NCOA2: variants seen among roughly 807,000 people sequenced by gnomAD.
NCOA2 encodes nuclear receptor coactivator 2, also known as class E basic helix-loop-helix protein 75.
Under a neutral mutation model 145.1 loss-of-function variants are expected in NCOA2, and 21 were observed. The observed-to-expected ratio is 0.14, with a 90% confidence interval of 0.10 to 0.21. NCOA2 has a LOEUF of 0.21. Ranked by LOEUF, NCOA2 falls within the 10% of genes least tolerant of loss-of-function variation. The pLI, the probability that NCOA2 is intolerant of heterozygous loss-of-function variation, is 1.00. For synonymous variants in NCOA2, 619 were observed against 637.5 expected (o/e 0.97, Z 0.44); for missense variants, 1,472 against 1,837.6 (o/e 0.80, Z 3.64).
chr8:70,213,279 T>C (rs1295109445), intron 4 of NCOA2, among the ~76,000 whole-genome samples: 2 of 152,182 alleles, frequency 1.3e-5, no homozygotes, highest in Admixed American at 1.3e-4. Flanking sequence ...AAAAACATTA[T>C]TTTCTTGATA....
chr8:70,141,204 T>C lies in NCOA2; in HGVS notation c.3008A>G (p.Gln1003Arg), dbSNP rs147562847. 4.5e-5 allele frequency: 72 copies of C among 1,613,720 alleles called. No individual in the cohort carries two copies. The East Asian group carries it at 1.5e-3, about 34-fold the overall frequency. The change falls in exon 14 of 23, where the codon CAG becomes CGG. Residue 1003 changes from glutamine to arginine, a missense_variant. This residue lies in a region of NCOA2 where 953 missense variants were observed against 1,062.1 expected (regional missense o/e 0.90). Coordinates refer to ENST00000452400, the MANE Select transcript of NCOA2 (RefSeq NM_006540.4). ...SSQPGQRQTL[Q>R]SQVMNIGPSE... ...CTTACCTATATTCATGACCTGAGACTGAAGCGTCTGTCTTTGGCCAGGCTG... is the reference window on the plus strand; with the variant it reads ...CTTACCTATATTCATGACCTGAGACCGAAGCGTCTGTCTTTGGCCAGGCTG...
chr8:70,145,387 C>T (rs1215330268), intron 12 of NCOA2, among the ~76,000 whole-genome samples: 2 of 151,302 alleles, frequency 1.3e-5, no homozygotes, highest in Non-Finnish European at 2.9e-5. Flanking sequence ...TGTAGTGGCC[C>T]GATCTCGGCT....
intron 1 of NCOA2, among the ~76,000 whole-genome samples, chr8:70,375,703 C>G (rs982366077): frequency 5.9e-5 from 9 of 152,226 alleles, no homozygotes; most frequent in African/African-American, 2.2e-4. Flanking sequence ...GTTCCACAAC[C>G]AGGGTCATTT....
chr8:70,446,234 G>A, the NCOA2 span, among the ~76,000 whole-genome samples: 1 of 152,146 alleles, frequency 6.6e-6, no homozygotes, highest in Non-Finnish European at 1.5e-5. Context: ...TCGGAGAACT[G>A]GGAGAAGCAG....
At chr8:70,267,454 A>G (rs1466410703) in intron 2 of NCOA2, among the ~76,000 whole-genome samples, 1 of 145,596 alleles carries the variant, frequency 6.9e-6, no homozygotes, top group Non-Finnish European at 1.5e-5. Flanking sequence ...GGCGGAGTAC[A>G]GTGACAATCA....
intron 1 of NCOA2, among the ~76,000 whole-genome samples, chr8:70,397,820 A>G (rs765553420): frequency 6.6e-6 from 1 of 152,272 alleles, no homozygotes; most frequent in Non-Finnish European, 1.5e-5. Flanking sequence ...ATTTTTTATT[A>G]TAAACATTTC....
the NCOA2 span, among the ~76,000 whole-genome samples, chr8:70,413,769 C>A: frequency 6.6e-6 from 1 of 152,124 alleles, no homozygotes; most frequent in Non-Finnish European, 1.5e-5. Flanking sequence ...TTTTATTAGT[C>A]CATTATTTAT....
intron 14 of NCOA2, among the ~76,000 whole-genome samples, chr8:70,140,698 G>C (rs1810304692): frequency 2.0e-5 from 3 of 146,464 alleles, no homozygotes; most frequent in African/African-American, 7.7e-5. Context: ...CTCCCAGGAA[G>C]TGATTCTCCT....
At chr8:70,258,398 G>T (rs1043506967) in intron 2 of NCOA2, among the ~76,000 whole-genome samples, 1 of 152,106 alleles carries the variant, frequency 6.6e-6, no homozygotes, top group African/African-American at 2.4e-5. Flanking sequence ...TCTCATAAAC[G>T]TATCTCCCTA....
intron 4 of NCOA2, among the ~76,000 whole-genome samples, chr8:70,178,369 C>T (rs1203539688): frequency 6.6e-6 from 1 of 152,052 alleles, no homozygotes; most frequent in Non-Finnish European, 1.5e-5. Context: ...TAATTATTAC[C>T]CTGAAACATT....
chr8:70,332,995 A>G (rs140178789), intron 1 of NCOA2, among the ~76,000 whole-genome samples: 5 of 152,356 alleles, frequency 3.3e-5, no homozygotes, highest in African/African-American at 1.2e-4. Context: ...TTTTACAAAG[A>G]AACTGTAAAA....
At chr8:70,346,025 TA>T (rs1375275437) in intron 1 of NCOA2, among the ~76,000 whole-genome samples, 4 of 152,346 alleles carry the variant, frequency 2.6e-5, no homozygotes, top group African/African-American at 9.6e-5. Context: ...TAAGTGGAAT[TA>T]AAATCTATAG....
intron 9 of NCOA2, among the ~76,000 whole-genome samples, chr8:70,160,813 T>C (rs1375192699): frequency 6.6e-6 from 1 of 152,250 alleles, no homozygotes; most frequent in Non-Finnish European, 1.5e-5. Flanking sequence ...TTTCACTTTC[T>C]GCCATCAACT....
chr8:70,262,227 A>C (rs2135077803), intron 2 of NCOA2, among the ~76,000 whole-genome samples: 1 of 152,332 alleles, frequency 6.6e-6, no homozygotes, highest in East Asian at 1.9e-4. Flanking sequence ...GCAGATATTT[A>C]TAGTATCCCC....
the NCOA2 span, among the ~76,000 whole-genome samples, chr8:70,421,213 A>G: frequency 6.6e-6 from 1 of 152,214 alleles, no homozygotes; most frequent in African/African-American, 2.4e-5. Flanking sequence ...CAAAGTTGAC[A>G]TGACAGAACT....
chr8:70,223,307 T>C (rs184054304), intron 2 of NCOA2, among the ~76,000 whole-genome samples: 22 of 152,352 alleles, frequency 1.4e-4, no homozygotes, highest in African/African-American at 5.0e-4. Context: ...GATTAAAAAA[T>C]GACTTTCTAA....
chr8:70,239,564 C>T (rs1292091539), intron 2 of NCOA2, among the ~76,000 whole-genome samples: 2 of 152,120 alleles, frequency 1.3e-5, no homozygotes, highest in East Asian at 1.9e-4. Context: ...CATCTCCTTA[C>T]ACAGAAGACA....
intron 1 of NCOA2, among the ~76,000 whole-genome samples, chr8:70,322,953 TTC>T (rs1806211060): frequency 6.6e-6 from 1 of 152,242 alleles, no homozygotes; most frequent in Non-Finnish European, 1.5e-5. Context: ...AGATGGTATC[TTC>T]TGTCCTACAC....
chr8:70,396,866 G>C (rs1316458249), intron 1 of NCOA2, among the ~76,000 whole-genome samples: 1 of 152,164 alleles, frequency 6.6e-6, no homozygotes, highest in East Asian at 1.9e-4. Flanking sequence ...ATTCCTAAAA[G>C]AAAGACTTTT....
Sources: gnomAD v4.1 joint callset for allele counts (sites outside exome capture counted in the v4.1 genomes callset) on GRCh38, gnomAD v4.1.1 for gene constraint, gnomAD v4.1.1 regional missense constraint, MANE v1.5 for transcripts, NCBI Gene and HGNC (gene_info 2026-07-23, HGNC 2026-07-21) for gene names.